Variants in CNTN6 observed in about 807,000 individuals in gnomAD.
CNTN6 encodes the protein contactin 6.
CNTN6 carries 137 observed loss-of-function variants against 122.8 expected under a neutral mutation model. The observed-to-expected ratio is 1.12, with a 90% CI of 0.97 to 1.29. The LOEUF (loss-of-function observed/expected upper bound fraction) is 1.29. Ranked by LOEUF, CNTN6 falls within the 50% of genes most tolerant of loss-of-function variation. The pLI is 0.00. For missense variants in CNTN6, 1,634 were observed against 1,223.4 expected, an observed-to-expected ratio of 1.34 and a Z score of -5.01; for synonymous variants, 570 against 426.0, an observed-to-expected ratio of 1.34 and a Z score of -4.16.
intron 5 of CNTN6, among the ~76,000 whole-genome samples, chr3:1,280,759 C>G (rs1276730637): frequency 6.6e-6 from 1 of 151,970 alleles, no homozygotes; most frequent in Non-Finnish European, 1.5e-5. Context: ...GTCACCGCAC[C>G]TGGTCCGAGA....
At chr3:1,273,380 C>A (rs997169988) in intron 4 of CNTN6, among the ~76,000 whole-genome samples, 2 of 152,180 alleles carry the variant, frequency 1.3e-5, no homozygotes, top group African/African-American at 4.8e-5. Context: ...CTGGCCTCTC[C>A]TTGTAGAAGA....
At chr3:1,342,826 A>C (rs1295697349) in intron 11 of CNTN6, among the ~76,000 whole-genome samples, 2 of 152,184 alleles carry the variant, frequency 1.3e-5, no homozygotes, top group Non-Finnish European at 2.9e-5. Context: ...TGTTTTATAC[A>C]CCAAGTCTTA....
intron 1 of CNTN6, among the ~76,000 whole-genome samples, chr3:1,133,898 G>A (rs2092403635): frequency 6.6e-6 from 1 of 152,182 alleles, no homozygotes; most frequent in South Asian, 2.1e-4. Context: ...GCAGTATCTG[G>A]AGCAACAGCC....
chr3:1,393,522 C>T (rs1694525369), intron 20 of CNTN6, among the ~76,000 whole-genome samples: 1 of 139,036 alleles, frequency 7.2e-6, no homozygotes, highest in African/African-American at 2.7e-5. Context: ...CTAACCTGCA[C>T]GTTGTGCACA....
At chr3:1,142,978 A>G (rs751255087) in intron 1 of CNTN6, among the ~76,000 whole-genome samples, 23,795 of 82,686 alleles carry the variant, frequency 0.29, 2,069 homozygotes, top group Middle Eastern at 0.44. Context: ...GTATATATAT[A>G]TATATATATA....
intron 2 of CNTN6, among the ~76,000 whole-genome samples, chr3:1,182,288 C>T (rs917635443): frequency 6.6e-6 from 1 of 152,184 alleles, no homozygotes; most frequent in Non-Finnish European, 1.5e-5. Flanking sequence ...GAACTGGAAT[C>T]TGATGATGAG....
At chr3:1,171,999 C>T (rs1475623526) in intron 2 of CNTN6, among the ~76,000 whole-genome samples, 1 of 152,104 alleles carries the variant, frequency 6.6e-6, no homozygotes, top group African/African-American at 2.4e-5. Context: ...AATTTCACAC[C>T]ATCCAAACCC....
chr3:1,099,311 T>A (rs192301307), intron 1 of CNTN6, among the ~76,000 whole-genome samples: 1 of 150,790 alleles, frequency 6.6e-6, no homozygotes. Context: ...ATTAGCAGGG[T>A]GTGGTGGCGG....
chr3:1,267,497 G>A (rs189120905), intron 4 of CNTN6, among the ~76,000 whole-genome samples: 3 of 152,082 alleles, frequency 2.0e-5, no homozygotes, highest in Admixed American at 2.0e-4. Flanking sequence ...GAGGTCCCCG[G>A]CTCCTGTACC....
chr3:1,370,404 C>T (rs144131266), intron 12 of CNTN6, among the ~76,000 whole-genome samples: 44 of 151,898 alleles, frequency 2.9e-4, no homozygotes, highest in African/African-American at 7.0e-4. Context: ...TGCTAAATGA[C>T]GAGTTAATGG....
intron 4 of CNTN6, among the ~76,000 whole-genome samples, chr3:1,239,356 G>C (rs1453161987): frequency 6.6e-6 from 1 of 152,132 alleles, no homozygotes; most frequent in Non-Finnish European, 1.5e-5. Flanking sequence ...CAAATCGGTA[G>C]CTCTGCTGCC....
chr3:1,345,142 G>A (rs1704481397), intron 11 of CNTN6, among the ~76,000 whole-genome samples: 1 of 150,290 alleles, frequency 6.7e-6, no homozygotes, highest in South Asian at 2.1e-4. Context: ...TTTGAGACAG[G>A]GTCTCACTTA....
At chr3:1,142,964 GTGTGTATATATATATATA>G (rs2092643268) in intron 1 of CNTN6, among the ~76,000 whole-genome samples, 1 of 97,190 alleles carries the variant, frequency 1.0e-5, no homozygotes. Context: ...TTGTGTGTGT[GTGTGTATATATATATATA>G]TATATATATA....
intron 5 of CNTN6, among the ~76,000 whole-genome samples, chr3:1,294,822 C>G (rs974033149): frequency 4.6e-5 from 7 of 152,160 alleles, no homozygotes; most frequent in African/African-American, 1.7e-4. Context: ...ATGCCTTTGT[C>G]AAAGCATATG....
chr3:1,202,338 A>G (rs1396514947), intron 2 of CNTN6, among the ~76,000 whole-genome samples: 1 of 152,000 alleles, frequency 6.6e-6, no homozygotes, highest in Non-Finnish European at 1.5e-5. Context: ...CAGGATATCA[A>G]GACCATCCTG....
At chr3:1,242,295 T>C (rs1265291984) in intron 4 of CNTN6, among the ~76,000 whole-genome samples, 3 of 152,050 alleles carry the variant, frequency 2.0e-5, no homozygotes, top group Non-Finnish European at 4.4e-5. Flanking sequence ...ATCTTTAAGA[T>C]GGAGAACAGA....
intron 2 of CNTN6, among the ~76,000 whole-genome samples, chr3:1,159,884 G>T (rs190658236): frequency 1.3e-5 from 2 of 151,744 alleles, no homozygotes; most frequent in Non-Finnish European, 2.9e-5. Context: ...ACAGTGGCGC[G>T]GTCTCAGCTC....
At chr3:1,322,945 A>C (rs1380356223) in intron 8 of CNTN6, among the ~76,000 whole-genome samples, 1 of 151,746 alleles carries the variant, frequency 6.6e-6, no homozygotes, top group Non-Finnish European at 1.5e-5. Context: ...TTTGTAAATA[A>C]AATAGGATAC....
chr3:1,332,316 A>G (rs993446511), intron 11 of CNTN6, among the ~76,000 whole-genome samples: 3 of 151,920 alleles, frequency 2.0e-5, no homozygotes, highest in Non-Finnish European at 2.9e-5. Context: ...TTCTGTTGCC[A>G]TCTGATCGAC....
Sources: gnomAD v4.1 joint callset for allele counts (sites outside exome capture counted in the v4.1 genomes callset) on GRCh38, gnomAD v4.1.1 for gene constraint, MANE v1.5 for transcripts, NCBI Gene and HGNC (gene_info 2026-07-23, HGNC 2026-07-21) for gene names.